ADAMTSL3: variants seen among roughly 807,000 people sequenced by gnomAD.
ADAMTSL3 encodes ADAMTS like 3, also known as ADAMTS-like protein 3.
ADAMTSL3 carries 128 observed loss-of-function variants against 201.7 expected under a neutral mutation model. That is an observed-to-expected ratio of 0.63 (90% CI 0.55 to 0.73). ADAMTSL3 has a LOEUF of 0.73. ADAMTSL3 is among the 30% of genes least tolerant of loss of function. The pLI, the probability that ADAMTSL3 is intolerant of heterozygous loss-of-function variation, is 0.00. For synonymous variants in ADAMTSL3, 738 were observed against 748.4 expected (o/e 0.99, Z 0.23); for missense variants, 1,990 against 2,119.6 (o/e 0.94, Z 1.20).
At position 84,025,632 on chromosome 15, in the gene ADAMTSL3, G is replaced by A; in HGVS notation, c.4656+196G>A. On this transcript the variant is annotated intron_variant, in intron 27 of 29. Coordinates refer to ENST00000286744, the MANE Select transcript of ADAMTSL3 (RefSeq NM_207517.3). ...TATCTCTGTCTTCCAGTACAAAAGT[G>A]AACCAAGTTTGGGTTCTTTGAATGC... 3 of 557,548 alleles carry A rather than the reference G, an allele frequency of 5.4e-6. No individual in the cohort carries two copies. In the South Asian group the frequency reaches 7.0e-5, roughly 13 times the overall value. 34.5% of individuals were successfully genotyped at this position (557,548 alleles called of 1,614,324 possible).
At chr15:83,832,791 T>C (rs1381104891) in intron 6 of ADAMTSL3, among the ~76,000 whole-genome samples, 1 of 152,188 alleles carries the variant, frequency 6.6e-6, no homozygotes, top group Non-Finnish European at 1.5e-5. Flanking sequence ...GTCACAGTGC[T>C]CTTGGGAACA....
intron 5 of ADAMTSL3, among the ~76,000 whole-genome samples, chr15:83,806,718 G>A (rs1430401155): frequency 6.6e-6 from 1 of 152,122 alleles, no homozygotes; most frequent in Non-Finnish European, 1.5e-5. Context: ...GCCAGGTGTG[G>A]TGGCACTCAC....
At chr15:83,703,494 T>A (rs905794197) in intron 2 of ADAMTSL3, among the ~76,000 whole-genome samples, 1 of 152,104 alleles carries the variant, frequency 6.6e-6, no homozygotes, top group African/African-American at 2.4e-5. Flanking sequence ...GGGAGATAAT[T>A]TGAATCATAG....
At chr15:84,028,719 A>G (rs2068352804) in intron 27 of ADAMTSL3, among the ~76,000 whole-genome samples, 1 of 152,160 alleles carries the variant, frequency 6.6e-6, no homozygotes, top group African/African-American at 2.4e-5. Flanking sequence ...GGAGGGTGAT[A>G]TGGTTAGGCT....
At chr15:83,960,350 A>G (rs2066943670) in intron 19 of ADAMTSL3, among the ~76,000 whole-genome samples, 1 of 152,160 alleles carries the variant, frequency 6.6e-6, no homozygotes, top group African/African-American at 2.4e-5. Context: ...AAAGACCATA[A>G]AATCTGGACC....
chr15:83,759,490 G>T (rs2062775269), intron 3 of ADAMTSL3, among the ~76,000 whole-genome samples: 1 of 152,194 alleles, frequency 6.6e-6, no homozygotes, highest in South Asian at 2.1e-4. Flanking sequence ...CTCCCAAAGT[G>T]CTGGAATTAC....
intron 9 of ADAMTSL3, among the ~76,000 whole-genome samples, chr15:83,872,090 A>C (rs1416690803): frequency 6.6e-6 from 1 of 152,172 alleles, no homozygotes. Flanking sequence ...TGGCCTGCAC[A>C]GTGTATTGTT....
Position 83,654,665 on chromosome 15 carries a change from T to C in ADAMTSL3, c.-34+389T>C, listed in dbSNP as rs1041431773. ...TAGCGAGCGCCCAGAACGCCGGGGGTTGAGGCGACGCGCGATCGTGGAAAG... is the reference window on the plus strand; with the variant it reads ...TAGCGAGCGCCCAGAACGCCGGGGGCTGAGGCGACGCGCGATCGTGGAAAG... On this transcript the variant is annotated intron_variant, in intron 1 of 29. Coordinates refer to ENST00000286744, the MANE Select transcript of ADAMTSL3 (RefSeq NM_207517.3). The surrounding 1 kb of genome is among the most constrained non-coding windows in gnomAD (Gnocchi z 5.3). Among the ~76,000 whole-genome samples, 1 of 151,474 alleles carries C rather than the reference T, an allele frequency of 6.6e-6. No individual in the cohort carries two copies. The highest frequency in any genetic ancestry group is 2.4e-5 in the African/African-American group (1 of 41,242).
intron 5 of ADAMTSL3, among the ~76,000 whole-genome samples, chr15:83,813,317 C>T (rs1014120920): frequency 1.3e-5 from 2 of 152,150 alleles, no homozygotes; most frequent in African/African-American, 4.8e-5. Flanking sequence ...CTCCAGCAGC[C>T]TGGGGTGGAT....
intron 27 of ADAMTSL3, among the ~76,000 whole-genome samples, chr15:84,026,352 T>C (rs1442535690): frequency 6.6e-6 from 1 of 152,214 alleles, no homozygotes; most frequent in Non-Finnish European, 1.5e-5. Context: ...GTAAGACTTA[T>C]TATTACTAGT....
intron 7 of ADAMTSL3, among the ~76,000 whole-genome samples, chr15:83,841,930 A>G (rs1448926935): frequency 5.3e-5 from 8 of 151,778 alleles, no homozygotes; most frequent in Non-Finnish European, 1.2e-4. Flanking sequence ...GGCCATTGAC[A>G]GTGGAACGAC....
rs2068575330 is a variant in ADAMTSL3, at chr15:84,039,838, A to G, written c.*2032A>G. 1 of 152,616 alleles carries G rather than the reference A, an allele frequency of 6.6e-6. No homozygotes were observed. Among genetic ancestry groups the G allele is most frequent in the Non-Finnish European group, 1.5e-5 (1 of 68,052 alleles). 9.5% of individuals were successfully genotyped at this position (152,616 alleles called of 1,614,324 possible). ...ACTTTGATTATTCAGTGGCATCCTT[A>G]TAAATGTAGGCAGCTTATGTGTGTT... On this transcript the variant is annotated 3_prime_UTR_variant, in exon 30 of 30. Coordinates refer to ENST00000286744, the MANE Select transcript of ADAMTSL3 (RefSeq NM_207517.3).
intron 3 of ADAMTSL3, among the ~76,000 whole-genome samples, chr15:83,743,784 T>C (rs2141647485): frequency 6.6e-6 from 1 of 152,288 alleles, no homozygotes; most frequent in African/African-American, 2.4e-5. Context: ...GGGCTGTATT[T>C]CAATCTAGTG....
intron 2 of ADAMTSL3, among the ~76,000 whole-genome samples, chr15:83,656,207 CTAAA>C (rs1437080386): frequency 6.6e-6 from 1 of 152,180 alleles, no homozygotes; most frequent in Admixed American, 6.5e-5. Flanking sequence ...AGCTAAGCTG[CTAAA>C]TAAATATTCT....
chr15:83,665,357 T>G (rs2061235571), intron 2 of ADAMTSL3, among the ~76,000 whole-genome samples: 1 of 152,098 alleles, frequency 6.6e-6, no homozygotes, highest in Admixed American at 6.5e-5. Flanking sequence ...AGTCTCACCT[T>G]CGGGGGAAGG....
intron 15 of ADAMTSL3, among the ~76,000 whole-genome samples, chr15:83,909,968 C>T (rs1443191319): frequency 6.6e-6 from 1 of 152,162 alleles, no homozygotes; most frequent in Admixed American, 6.5e-5. Context: ...ACTCAAGATC[C>T]AGAACATTTC....
intron 21 of ADAMTSL3, among the ~76,000 whole-genome samples, chr15:83,988,112 T>G (rs1382458727): frequency 6.6e-6 from 1 of 152,176 alleles, no homozygotes; most frequent in Non-Finnish European, 1.5e-5. Flanking sequence ...GAAACCATAA[T>G]GAACTCATGC....
At chr15:83,976,861 A>T (rs568447962) in intron 20 of ADAMTSL3, among the ~76,000 whole-genome samples, 1 of 152,240 alleles carries the variant, frequency 6.6e-6, no homozygotes, top group Non-Finnish European at 1.5e-5. Flanking sequence ...CATGATCTAG[A>T]TGATTCCCTG....
chr15:83,815,599 G>A (rs1395098688), intron 5 of ADAMTSL3, among the ~76,000 whole-genome samples: 2 of 152,218 alleles, frequency 1.3e-5, no homozygotes, highest in Non-Finnish European at 2.9e-5. Flanking sequence ...TCCCTAGCTT[G>A]TCTTGAGCTG....
Sources: allele counts gnomAD v4.1 joint callset (sites outside exome capture counted in the v4.1 genomes callset), GRCh38; gene constraint gnomAD v4.1.1; non-coding constraint Gnocchi (gnomAD v3.1); transcripts MANE v1.5; gene names NCBI Gene and HGNC (gene_info 2026-07-23, HGNC 2026-07-21).